SRCAP: variants seen among roughly 807,000 people sequenced by gnomAD.
SRCAP encodes the protein chromatin remodeling protein SRCAP.
A neutral mutation model predicts 263.1 loss-of-function variants in SRCAP; 46 were observed. The ratio of observed to expected loss-of-function variants is 0.17; its 90% CI spans 0.14 to 0.22. The LOEUF (loss-of-function observed/expected upper bound fraction) is 0.22. SRCAP is among the 10% of genes least tolerant of loss of function. The pLI, the probability that SRCAP is intolerant of heterozygous loss-of-function variation, is 1.00. For missense variants in SRCAP, 3,695 were observed against 4,181.9 expected, an observed-to-expected ratio of 0.88 and a Z score of 3.21; for synonymous variants, 1,813 against 1,662.1, an observed-to-expected ratio of 1.09 and a Z score of -2.21.
chr16:30,733,823 T>C lies in SRCAP; in HGVS notation c.6494+25T>C. The C allele has an allele frequency of 6.2e-7, 1 of 1,611,682 alleles. No homozygotes were observed. Among genetic ancestry groups the C allele is most frequent in the African/African-American group, 1.3e-5 (1 of 75,004 alleles). On this transcript the variant is annotated intron_variant, in intron 29 of 33. Transcript: ENST00000262518. This position sits in a 1 kb window ranked among gnomAD's most constrained non-coding sequence, Gnocchi z 5.3. The stretch of plus-strand genomic sequence containing the variant: ...GGTATTGCCTAGTCTTCCCTCACCT[T>C]ACTTTCCGTTTACTGATGGGGTTTC...
At chr16:30,709,080 A>G (rs925445366) in intron 6 of SRCAP, among the ~76,000 whole-genome samples, 2 of 151,932 alleles carry the variant, frequency 1.3e-5, no homozygotes, top group Non-Finnish European at 2.9e-5. Flanking sequence ...CAGCCTTCCA[A>G]AGTGCTGAGA....
chr16:30,737,016 C>T (rs746500655), intron 33 of SRCAP, 33 bp from the exon 34 acceptor site: 8 of 1,545,686 alleles, frequency 5.2e-6, no homozygotes, highest in Non-Finnish European at 7.0e-6. Context: ...CTGCTTGCCT[C>T]CTCCTGACCA....
chr16:30,703,687 G>A (rs2052794180), intron 3 of SRCAP, among the ~76,000 whole-genome samples: 1 of 151,510 alleles, frequency 6.6e-6, no homozygotes, highest in South Asian at 2.1e-4. Flanking sequence ...ATGAGGTCAG[G>A]AGATCGAGAC....
chr16:30,713,758 C>T, intron 16 of SRCAP, 47 bp downstream of exon 16: 10 of 1,574,252 alleles, frequency 6.4e-6, no homozygotes, highest in Middle Eastern at 2.2e-4. Flanking sequence ...GGTAAGGAAC[C>T]ATTCCTGAGC....
chr16:30,710,076 C>T lies in SRCAP; in HGVS notation c.1082C>T (p.Thr361Ile). The T allele has an allele frequency of 6.2e-7, 1 of 1,614,106 alleles. No homozygotes were observed. The change falls in exon 8 of 34, where the codon ACC becomes ATC. Residue 361 changes from threonine (T) to isoleucine (I), a missense_variant. This residue lies in a region of SRCAP where 288 missense variants were observed against 302.4 expected (regional missense o/e 0.95). Transcript: ENST00000262518. ...ACCCCCTCATCTCATGATAGTGACA[C>T]CCGAGATGGGCCTGAAGAAGGTGCT... is the stretch of plus-strand genomic sequence containing the variant. ...SQTPSSHDSDTRDGPEEGAEE... is the reference protein window; with the variant it reads ...SQTPSSHDSDIRDGPEEGAEE...
chr16:30,716,228 TG>T (rs761610025), intron 17 of SRCAP, 26 bp downstream of exon 17: 2 of 1,613,742 alleles, frequency 1.2e-6, no homozygotes, highest in East Asian at 4.5e-5. Context: ...GGGTGGGCCC[TG>T]GGACTCGAGA....
At chr16:30,713,833 C>G in intron 16 of SRCAP, 122 bp downstream of exon 16, 1 of 850,366 alleles carries the variant, frequency 1.2e-6, no homozygotes. Flanking sequence ...ACTCCTTTGT[C>G]AAGCTGCAGT....
At position 30,710,131 on chromosome 16, in the gene SRCAP, A is replaced by G. The variant is rs768018179; in HGVS notation, c.1134+3A>G. ...AAGAGCCCCCTCAGGTGTTGGAGGT[A>G]TAGGCAGAAGGAGCAGAGGGAGGGT... On this transcript the variant is annotated splice_donor_region_variant and intron_variant, in intron 8 of 33. Coordinates refer to ENST00000262518, the MANE Select transcript of SRCAP (RefSeq NM_006662.3). The G allele has an allele frequency of 6.2e-7, 1 of 1,612,146 alleles. No individual in the cohort carries two copies.
chr16:30,730,432 CTTT>C (rs1031743977), intron 27 of SRCAP, among the ~76,000 whole-genome samples: 6 of 151,950 alleles, frequency 3.9e-5, no homozygotes, highest in African/African-American at 1.5e-4. Flanking sequence ...TTTCTTCCTT[CTTT>C]CTTTCTTTTT....
At chr16:30,706,626 C>T (rs1456225360) in intron 4 of SRCAP, among the ~76,000 whole-genome samples, 1 of 152,146 alleles carries the variant, frequency 6.6e-6, no homozygotes, top group East Asian at 1.9e-4. Context: ...GTATTTTTTA[C>T]ATAAACATAT....
Position 30,721,567 on chromosome 16 carries a change from C to T in SRCAP, c.3541+91C>T, listed in dbSNP as rs766846234. On this transcript the variant is annotated intron_variant, in intron 21 of 33. Transcript: ENST00000262518. ...TCAAATTTTAGGCAGCTGGGTCAGGCATGATGGCTCATGCCTATAATCCCG... is the reference window on the plus strand; with the variant it reads ...TCAAATTTTAGGCAGCTGGGTCAGGTATGATGGCTCATGCCTATAATCCCG... 1,972 of 1,473,906 alleles carry T rather than the reference C, an allele frequency of 1.3e-3. 1 individual carries two copies. Among genetic ancestry groups the T allele is most frequent in the Non-Finnish European group, 1.7e-3 (1,878 of 1,101,380 alleles). The allele number at this position is 1,473,906 out of a possible 1,614,324, so 91.3% of individuals were successfully genotyped here.
chr16:30,707,793 C>T (rs2052844030), intron 6 of SRCAP, 81 bp downstream of exon 6: 1 of 1,522,596 alleles, frequency 6.6e-7, no homozygotes. Context: ...ATCAAAACTT[C>T]TTGAGGGAGT....
chr16:30,721,713 A>G (rs1308329349), intron 21 of SRCAP, among the ~76,000 whole-genome samples: 3 of 152,256 alleles, frequency 2.0e-5, no homozygotes, highest in Admixed American at 1.3e-4. Flanking sequence ...TGAGGCAGCT[A>G]ACATATGTTA....
intron 27 of SRCAP, among the ~76,000 whole-genome samples, chr16:30,731,227 A>G (rs1358630923): frequency 6.6e-6 from 1 of 152,176 alleles, no homozygotes; most frequent in Non-Finnish European, 1.5e-5. Flanking sequence ...TAGAGCAATC[A>G]CTGACAAAGG....
intron 16 of SRCAP, among the ~76,000 whole-genome samples, chr16:30,714,126 G>A (rs2052920844): frequency 6.7e-6 from 1 of 149,202 alleles, no homozygotes; most frequent in African/African-American, 2.5e-5. Context: ...GTGCAGTGGC[G>A]CGGTCTTGGC....
chr16:30,720,578 T>G, intron 19 of SRCAP, 135 bp from the exon 20 acceptor site: 1 of 1,160,398 alleles, frequency 8.6e-7, no homozygotes, highest in Non-Finnish European at 1.2e-6. Context: ...TTCCTATTCC[T>G]TGTTCTCCTT....
chr16:30,721,139 T>C (rs145689688), intron 20 of SRCAP, 50 bp from the exon 21 acceptor site: 1 of 1,556,216 alleles, frequency 6.4e-7, no homozygotes, highest in Non-Finnish European at 8.7e-7. Context: ...GGCACCAGGC[T>C]AAGGCTTTAG....
intron 9 of SRCAP, 69 bp from the exon 10 acceptor site, chr16:30,710,929 GT>G: frequency 6.9e-6 from 11 of 1,598,664 alleles, no homozygotes; most frequent in Non-Finnish European, 9.4e-6. Context: ...TTTCTCATCT[GT>G]TTCATTTGGA....
At position 30,711,889 on chromosome 16, in the gene SRCAP, A is replaced by T. The variant is rs1431601514; in HGVS notation, c.1547A>T (p.Glu516Val). ...DEEDEHSEEE[E>V]TSGSSASEES... ...GAAGATGAACATTCAGAGGAGGAAG[A>T]AACAAGTGGAAGTTCAGCATCAGAG... The change falls in exon 12 of 34, where the codon GAA (glutamate) becomes GTA (valine). Residue 516 changes from glutamate to valine, a missense_variant. By Grantham distance (121) the Glu-to-Val change is moderately radical. Coordinates refer to ENST00000262518, the MANE Select transcript of SRCAP (RefSeq NM_006662.3). 6.2e-7 allele frequency: 1 copy of T among 1,613,848 alleles called. No homozygotes were observed. The highest frequency in any genetic ancestry group is 8.5e-7 in the Non-Finnish European group (1 of 1,179,996).
Sources: gnomAD v4.1 joint callset for allele counts (sites outside exome capture counted in the v4.1 genomes callset) on GRCh38, gnomAD v4.1.1 for gene constraint, gnomAD v4.1.1 regional missense constraint, Gnocchi (gnomAD v3.1) non-coding constraint, MANE v1.5 for transcripts, NCBI Gene and HGNC (gene_info 2026-07-23, HGNC 2026-07-21) for gene names.